Variants in CTDSPL observed in about 807,000 individuals in gnomAD.
CTDSPL encodes the protein CTD small phosphatase like, also known as CTD small phosphatase-like protein.
In CTDSPL, 8 loss-of-function variants were observed where a neutral mutation model predicts 30.5. The ratio of observed to expected loss-of-function variants is 0.26; its 90% CI spans 0.15 to 0.47. The LOEUF (loss-of-function observed/expected upper bound fraction) is 0.47. Ranked by LOEUF, CTDSPL falls within the 20% of genes least tolerant of loss-of-function variation. CTDSPL has a pLI of 0.99. For synonymous variants in CTDSPL, 110 were observed against 137.9 expected (o/e 0.80, Z 1.42); for missense variants, 248 against 366.1 (o/e 0.68, Z 2.63).
At chr3:37,909,957 T>C (rs1010866247) in intron 1 of CTDSPL, among the ~76,000 whole-genome samples, 3 of 152,268 alleles carry the variant, frequency 2.0e-5, no homozygotes, top group Non-Finnish European at 4.4e-5. Context: ...GATTAGGACA[T>C]GATCACTGGG....
intron 1 of CTDSPL, among the ~76,000 whole-genome samples, chr3:37,884,719 A>G (rs542251415): frequency 8.7e-4 from 132 of 152,354 alleles, no homozygotes; most frequent in Non-Finnish European, 1.7e-3. Context: ...TTAAAGGGAC[A>G]GGACAATATT....
chr3:37,956,995 G>A (rs1336330010), intron 2 of CTDSPL, 116 bp from the exon 3 acceptor site: 32 of 855,944 alleles, frequency 3.7e-5, no homozygotes, highest in Non-Finnish European at 6.2e-5. Flanking sequence ...ACACCACCAA[G>A]GTACAGAGAA....
intron 1 of CTDSPL, among the ~76,000 whole-genome samples, chr3:37,899,992 A>G (rs1698431164): frequency 1.3e-5 from 2 of 152,232 alleles, no homozygotes; most frequent in African/African-American, 4.8e-5. Flanking sequence ...AGGTCATGTC[A>G]TTCCATTTTC....
intron 1 of CTDSPL, among the ~76,000 whole-genome samples, 171 bp from the exon 2 acceptor site, chr3:37,946,886 C>G (rs1457852291): frequency 2.0e-5 from 3 of 152,186 alleles, no homozygotes; most frequent in South Asian, 4.2e-4. Flanking sequence ...ACATTTGATT[C>G]ACAGTTCTTT....
intron 1 of CTDSPL, among the ~76,000 whole-genome samples, chr3:37,916,801 T>C (rs1194238485): frequency 6.6e-6 from 1 of 152,194 alleles, no homozygotes; most frequent in East Asian, 1.9e-4. Flanking sequence ...ACAGAGTACT[T>C]TCCCATAATC....
intron 1 of CTDSPL, among the ~76,000 whole-genome samples, chr3:37,907,127 C>T (rs999622128): frequency 6.6e-6 from 1 of 152,134 alleles, no homozygotes; most frequent in Non-Finnish European, 1.5e-5. Context: ...TATGGCTCTT[C>T]GAGTGTCAAT....
chr3:37,870,037 T>C (rs1188312909), intron 1 of CTDSPL, among the ~76,000 whole-genome samples: 1 of 152,106 alleles, frequency 6.6e-6, no homozygotes. Context: ...TTTTTGTCTG[T>C]AAGTGATGTT....
At chr3:37,954,642 A>G (rs887137813) in intron 2 of CTDSPL, 3 of 152,256 alleles carry the variant, frequency 2.0e-5, no homozygotes, top group South Asian at 2.1e-4. Context: ...TCCACCCTGC[A>G]TATTTACTTT....
At chr3:37,906,751 G>GA (rs1283952319) in intron 1 of CTDSPL, among the ~76,000 whole-genome samples, 1 of 152,172 alleles carries the variant, frequency 6.6e-6, no homozygotes, top group African/African-American at 2.4e-5. Flanking sequence ...TAGTAGTGGG[G>GA]AGAGGGTAAG....
intron 2 of CTDSPL, among the ~76,000 whole-genome samples, chr3:37,956,448 T>C (rs1288170533): frequency 2.0e-5 from 3 of 152,240 alleles, no homozygotes; most frequent in African/African-American, 7.2e-5. Flanking sequence ...TATAATGAAG[T>C]GTTTCCATCA....
rs1699489273 is a variant in CTDSPL at position 37,981,336 on chromosome 3, C to G, written c.*469C>G. 6.3e-6 allele frequency: 1 copy of G among 157,956 alleles called. No individual in the cohort carries two copies. Among genetic ancestry groups the G allele is most frequent in the Non-Finnish European group, 1.4e-5 (1 of 71,122 alleles). 9.8% of individuals were successfully genotyped at this position (157,956 alleles called of 1,614,324 possible). On this transcript the variant is annotated 3_prime_UTR_variant, in exon 8 of 8. Coordinates refer to ENST00000273179, the MANE Select transcript of CTDSPL (RefSeq NM_001008392.2). ...AACATATTTCCAGACATCTTTTAGT[C>G]TTTTATTGTCTTAGATACTATAAGA...
intron 1 of CTDSPL, among the ~76,000 whole-genome samples, chr3:37,916,078 A>G (rs1019679506): frequency 9.9e-5 from 15 of 152,116 alleles, no homozygotes; most frequent in Non-Finnish European, 1.6e-4. Context: ...ATTTCAGCCC[A>G]CCTCACTCAC....
At chr3:37,887,830 G>A (rs953096096) in intron 1 of CTDSPL, among the ~76,000 whole-genome samples, 1 of 152,216 alleles carries the variant, frequency 6.6e-6, no homozygotes, top group African/African-American at 2.4e-5. Flanking sequence ...AATGACAAGC[G>A]ATATAGTAAT....
chr3:37,926,499 C>T (rs73058932), intron 1 of CTDSPL, among the ~76,000 whole-genome samples: 2,867 of 152,248 alleles, frequency 0.019, 42 homozygotes, highest in Middle Eastern at 0.034. Flanking sequence ...TTGAGGCATT[C>T]TTGGAGGTGA....
intron 1 of CTDSPL, among the ~76,000 whole-genome samples, chr3:37,876,070 C>T (rs971882444): frequency 6.6e-6 from 1 of 151,842 alleles, no homozygotes; most frequent in East Asian, 1.9e-4. Context: ...TAGTGGGACC[C>T]CATCTGTACA....
intron 1 of CTDSPL, among the ~76,000 whole-genome samples, chr3:37,887,944 T>G (rs1698281097): frequency 6.6e-6 from 1 of 152,182 alleles, no homozygotes; most frequent in African/African-American, 2.4e-5. Flanking sequence ...TATACAGCAA[T>G]TCCACATTTT....
chr3:37,922,554 T>C (rs1446893200), intron 1 of CTDSPL, among the ~76,000 whole-genome samples: 1 of 152,220 alleles, frequency 6.6e-6, no homozygotes, highest in African/African-American at 2.4e-5. Flanking sequence ...GCTCAGAGTG[T>C]CTTTTTATTA....
At chr3:37,959,613 T>C (rs548784375) in intron 3 of CTDSPL, among the ~76,000 whole-genome samples, 1 of 152,376 alleles carries the variant, frequency 6.6e-6, no homozygotes, top group Non-Finnish European at 1.5e-5. Context: ...CTCATTGTTT[T>C]ATATTTCATT....
chr3:37,917,294 C>T (rs1299970247), intron 1 of CTDSPL, among the ~76,000 whole-genome samples: 1 of 152,148 alleles, frequency 6.6e-6, no homozygotes, highest in Admixed American at 6.6e-5. Flanking sequence ...CATGTTCACA[C>T]GTACATGTTT....
Sources: allele counts gnomAD v4.1 joint callset (sites outside exome capture counted in the v4.1 genomes callset), GRCh38; gene constraint gnomAD v4.1.1; transcripts MANE v1.5; gene names NCBI Gene and HGNC (gene_info 2026-07-23, HGNC 2026-07-21).